The following SDHC variants were observed in gnomAD, a reference collection of about 807,000 sequenced individuals.
SDHC encodes succinate dehydrogenase complex subunit C.
Under a neutral mutation model 22.6 loss-of-function variants are expected in SDHC, and 11 were observed. That is an observed-to-expected ratio of 0.49 (90% CI 0.31 to 0.81). The LOEUF is 0.81. Among genes scored for constraint, SDHC ranks in the 30% least tolerant of loss-of-function variants. The probability of loss-of-function intolerance (pLI) is 0.05; values close to 1 mark genes in which losing one functional copy is unlikely to be tolerated. For synonymous variants in SDHC, 80 were observed against 77.8 expected (o/e 1.03, Z -0.15); for missense variants, 160 against 212.0 (o/e 0.75, Z 1.52).
At position 161,356,802 on chromosome 1, in the gene SDHC, CCT is replaced by C; in HGVS notation, c.371_372del (p.Leu124HisfsTer82). 6.2e-7 allele frequency: 1 copy of C among 1,614,116 alleles called. No homozygotes were observed. Among genetic ancestry groups the C allele is most frequent in the Middle Eastern group, 1.6e-4 (1 of 6,062 alleles). Reference protein sequence around the residue: ...IHTAKFALVFPLMYHTWNGIR... With the variant: ...IHTAKFALVFXLMYHTWNGIR... ...CACAGCTAAGTTTGCACTTGTCTTC[CCT>C]CTCATGTATCATACCTGGAATGGGA... On this transcript the variant is annotated frameshift_variant, in exon 5 of 6. Coordinates refer to ENST00000367975, the MANE Select transcript of SDHC (RefSeq NM_003001.5). LOFTEE classifies it high-confidence loss of function.
chr1:161,342,380 C>G (rs548181877), intron 4 of SDHC, among the ~76,000 whole-genome samples: 15 of 152,306 alleles, frequency 9.8e-5, no homozygotes, highest in Non-Finnish European at 1.9e-4. Flanking sequence ...CTCAACAAGA[C>G]TTCTGTTCCA....
chr1:161,325,544 G>A (rs1170060240), intron 2 of SDHC, among the ~76,000 whole-genome samples: 5 of 152,126 alleles, frequency 3.3e-5, no homozygotes, highest in Non-Finnish European at 7.4e-5. Context: ...GCTGGGTGTG[G>A]TGGTGTGCAC....
At chr1:161,316,731 AT>A (rs567049965) in intron 1 of SDHC, among the ~76,000 whole-genome samples, 4 of 150,938 alleles carry the variant, frequency 2.7e-5, no homozygotes, top group Admixed American at 6.6e-5. Flanking sequence ...GGAATTAAAA[AT>A]TTTTTTTTTC....
intron 4 of SDHC, among the ~76,000 whole-genome samples, chr1:161,345,014 C>T (rs551757355): frequency 6.6e-6 from 1 of 152,324 alleles, no homozygotes; most frequent in East Asian, 1.9e-4. Context: ...TAAATGGAAT[C>T]ATGTCACTCC....
At chr1:161,328,030 A>G (rs1227238468) in intron 2 of SDHC, among the ~76,000 whole-genome samples, 2 of 143,298 alleles carry the variant, frequency 1.4e-5, no homozygotes, top group African/African-American at 2.6e-5. Context: ...TTTTTGAGAG[A>G]GAATTTCTTG....
intron 3 of SDHC, among the ~76,000 whole-genome samples, chr1:161,338,826 G>A (rs1671590954): frequency 6.6e-6 from 1 of 152,016 alleles, no homozygotes; most frequent in Non-Finnish European, 1.5e-5. Context: ...AGGGACCCAG[G>A]TTGTATTACA....
intron 4 of SDHC, 99 bp downstream of exon 4, chr1:161,340,754 AT>A: frequency 1.2e-6 from 1 of 868,574 alleles, no homozygotes; most frequent in Non-Finnish European, 2.0e-6. Flanking sequence ...TCAGCACTTG[AT>A]TTAGAGGGAA....
intron 2 of SDHC, among the ~76,000 whole-genome samples, chr1:161,324,169 ACT>A (rs1174108731): frequency 1.3e-5 from 2 of 151,924 alleles, no homozygotes; most frequent in African/African-American, 4.8e-5. Context: ...ACAAGCTCTC[ACT>A]CTATTGCCCA....
chr1:161,327,437 CTGT>C (rs1671097712), intron 2 of SDHC, among the ~76,000 whole-genome samples: 1 of 152,184 alleles, frequency 6.6e-6, no homozygotes, highest in Admixed American at 6.5e-5. Context: ...TCTGGACTTT[CTGT>C]TGTTGGAGTT....
chr1:161,360,993 G>A (rs1017060949), intron 5 of SDHC, among the ~76,000 whole-genome samples: 1 of 152,016 alleles, frequency 6.6e-6, no homozygotes, highest in East Asian at 1.9e-4. Context: ...TGCGCCTGTA[G>A]TCCCAGCCAC....
At chr1:161,345,273 G>A (rs1294387081) in intron 4 of SDHC, among the ~76,000 whole-genome samples, 2 of 152,102 alleles carry the variant, frequency 1.3e-5, no homozygotes, top group Non-Finnish European at 2.9e-5. Flanking sequence ...GCTGCACTGT[G>A]CTTGGTTAGT....
intron 5 of SDHC, among the ~76,000 whole-genome samples, chr1:161,358,998 G>A (rs1672398194): frequency 1.3e-5 from 2 of 151,264 alleles, no homozygotes; most frequent in Admixed American, 1.3e-4. Flanking sequence ...CCAGCTACTT[G>A]GGAGGCTGAG....
chr1:161,357,674 C>T (rs977058190), intron 5 of SDHC, among the ~76,000 whole-genome samples: 1 of 152,172 alleles, frequency 6.6e-6, no homozygotes, highest in Non-Finnish European at 1.5e-5. Context: ...GCTAGGATTA[C>T]AGACGTGAGC....
intron 4 of SDHC, among the ~76,000 whole-genome samples, chr1:161,346,047 T>G (rs1671884407): frequency 6.7e-6 from 1 of 149,086 alleles, no homozygotes; most frequent in South Asian, 2.1e-4. Flanking sequence ...TCAAGGAATC[T>G]GCCCGCCTCA....
At chr1:161,326,064 C>T (rs541748986) in intron 2 of SDHC, among the ~76,000 whole-genome samples, 23 of 151,854 alleles carry the variant, frequency 1.5e-4, no homozygotes, top group Non-Finnish European at 2.9e-4. Flanking sequence ...TAGCTGGGCG[C>T]GGTGGCATGT....
chr1:161,351,954 G>C (rs1475011383), intron 4 of SDHC, among the ~76,000 whole-genome samples: 2 of 152,230 alleles, frequency 1.3e-5, no homozygotes, highest in African/African-American at 4.8e-5. Context: ...AATAGGACTT[G>C]CTGACAGTCC....
intron 4 of SDHC, among the ~76,000 whole-genome samples, chr1:161,344,198 G>A (rs1245837807): frequency 6.6e-6 from 1 of 152,226 alleles, no homozygotes; most frequent in Non-Finnish European, 1.5e-5. Context: ...GCTGAGGCAG[G>A]AGAATGGCGT....
chr1:161,339,614 TTTTC>T, intron 3 of SDHC: 1 of 1,129,874 alleles, frequency 8.9e-7, no homozygotes, highest in South Asian at 1.4e-5. Context: ...CATAAATCAG[TTTTC>T]TTTATTCTTT....
chr1:161,329,415 C>A (rs988532000), intron 3 of SDHC, among the ~76,000 whole-genome samples: 3 of 151,834 alleles, frequency 2.0e-5, no homozygotes, highest in Admixed American at 6.6e-5. Context: ...CACCGCAACC[C>A]CTACCTCCTG....
Sources: gnomAD v4.1 joint callset for allele counts (sites outside exome capture counted in the v4.1 genomes callset) on GRCh38, gnomAD v4.1.1 for gene constraint, MANE v1.5 for transcripts, NCBI Gene and HGNC (gene_info 2026-07-23, HGNC 2026-07-21) for gene names.